Variants in MSRB2 observed in about 807,000 individuals in gnomAD.
MSRB2 encodes the protein methionine sulfoxide reductase B2, also known as methionine-R-sulfoxide reductase B2, mitochondrial.
MSRB2 carries 17 observed loss-of-function variants against 19.0 expected under a neutral mutation model. The observed-to-expected ratio is 0.89, with a 90% CI of 0.61 to 1.34. MSRB2 has a LOEUF of 1.34. MSRB2 is among the 40% of genes most tolerant of loss of function. The probability of loss-of-function intolerance (pLI) is 0.00; values close to 1 mark genes in which losing one functional copy is unlikely to be tolerated. For synonymous variants in MSRB2, 107 were observed against 99.7 expected, an observed-to-expected ratio of 1.07 and a Z score of -0.44; for missense variants, 208 against 237.6, an observed-to-expected ratio of 0.88 and a Z score of 0.82.
In MSRB2 at chr10:23,109,370, T is replaced by C. The variant is rs188787624; in HGVS notation, c.220-872T>C. On this transcript the variant is annotated intron_variant, in intron 2 of 4. Transcript: ENST00000376510. ...TTCGAGACCAGCCTGGCTAACACGG[T>C]GAAACCCCGTAAAAGTACAAAAATT... 5.3e-5 allele frequency among the ~76,000 whole-genome samples: 8 copies of C among 152,024 alleles called. No individual in the cohort carries two copies. The East Asian group carries it at 1.5e-3, about 29-fold the overall frequency.
At position 23,121,248 on chromosome 10, in the gene MSRB2, C is replaced by T. The variant is rs1328395085; in HGVS notation, c.*386C>T. The T allele has an allele frequency of 3.5e-5, 6 of 172,808 alleles. No homozygotes were observed. Among genetic ancestry groups the T allele is most frequent in the South Asian group, 1.5e-4 (1 of 6,890 alleles). 10.7% of individuals were successfully genotyped at this position (172,808 alleles called of 1,614,324 possible). A position where few individuals can be genotyped will look rare whatever the true frequency, so the allele number is the denominator to read the frequency against. On this transcript the variant is annotated 3_prime_UTR_variant, in exon 5 of 5. Coordinates refer to ENST00000376510, the MANE Select transcript of MSRB2 (RefSeq NM_012228.4). ...AGCATTTGCTCGGATTCTGGGGAGA[C>T]CTGAGGGAGCTTTTACTCATGGCAG...
chr10:23,100,607 T>C (rs949998973), intron 1 of MSRB2, among the ~76,000 whole-genome samples: 1 of 152,092 alleles, frequency 6.6e-6, no homozygotes, highest in South Asian at 2.1e-4. Context: ...ACATCTTACA[T>C]GGTCAGAGCA....
intron 4 of MSRB2, 40 bp downstream of exon 4, chr10:23,119,491 C>T: frequency 6.3e-7 from 1 of 1,597,720 alleles, no homozygotes; most frequent in Non-Finnish European, 8.5e-7. Context: ...CTGATGCTGC[C>T]CCCAATGCCA....
intron 1 of MSRB2, among the ~76,000 whole-genome samples, chr10:23,098,675 G>A (rs1251012074): frequency 6.6e-6 from 1 of 152,202 alleles, no homozygotes; most frequent in African/African-American, 2.4e-5. Flanking sequence ...ACGGTAGCCA[G>A]AAGACTTGAC....
rs1376017012 is a variant in MSRB2, at chr10:23,121,133, GA to G, written c.*280del. 101 of 378,460 alleles carry G rather than the reference GA, an allele frequency of 2.7e-4. No individual in the cohort carries two copies. Among genetic ancestry groups the G allele is most frequent in the South Asian group, 5.4e-4 (9 of 16,816 alleles). The allele number at this position is 378,460 out of a possible 1,614,324, so 23.4% of individuals were successfully genotyped here. A position where few individuals can be genotyped will look rare whatever the true frequency, so the allele number is the denominator to read the frequency against. ...CTAGAAAAATAAACAAAATTAAAAA[GA>G]AAAAAAAATACCTGAGACTGAGTAA... On this transcript the variant is annotated 3_prime_UTR_variant, in exon 5 of 5. Coordinates refer to ENST00000376510, the MANE Select transcript of MSRB2 (RefSeq NM_012228.4).
chr10:23,118,330 GTTTTTTGTTTTTTT>G (rs892325067), intron 3 of MSRB2, among the ~76,000 whole-genome samples: 3 of 86,644 alleles, frequency 3.5e-5, no homozygotes, highest in African/African-American at 1.4e-4. Flanking sequence ...TCTTAGATTA[GTTTTTTGTTTTTTT>G]TTTTTTTTTT....
At chr10:23,104,761 C>A (rs1839965881) in intron 2 of MSRB2, among the ~76,000 whole-genome samples, 1 of 152,148 alleles carries the variant, frequency 6.6e-6, no homozygotes, top group Admixed American at 6.5e-5. Context: ...GTACTTTGGC[C>A]ACACCACCCT....
rs146237444 is a variant in MSRB2 at position 23,110,376 on chromosome 10, T to C, written c.296+58T>C. The C allele has an allele frequency of 3.8e-4, 510 of 1,345,458 alleles. 2 individuals are homozygous for C. In the African/African-American group the frequency reaches 6.6e-3, roughly 17 times the overall value. The allele number at this position is 1,345,458 out of a possible 1,614,324, so 83.3% of individuals were successfully genotyped here. Reference sequence around the variant, plus strand: ...ACCAAACCTCCAGGTTCTTACTGCTTTGTTTCATTTGAGATCTTGGATAAA... The same window carrying C: ...ACCAAACCTCCAGGTTCTTACTGCTCTGTTTCATTTGAGATCTTGGATAAA... On this transcript the variant is annotated intron_variant, in intron 3 of 4. Coordinates refer to ENST00000376510, the MANE Select transcript of MSRB2 (RefSeq NM_012228.4).
chr10:23,108,753 G>A (rs1840011545), intron 2 of MSRB2, among the ~76,000 whole-genome samples: 1 of 152,246 alleles, frequency 6.6e-6, no homozygotes, highest in South Asian at 2.1e-4. Flanking sequence ...TGGGATTACA[G>A]GCATGAGCCA....
At chr10:23,104,977 A>G (rs1366092893) in intron 2 of MSRB2, among the ~76,000 whole-genome samples, 4 of 152,018 alleles carry the variant, frequency 2.6e-5, no homozygotes, top group Non-Finnish European at 5.9e-5. Flanking sequence ...CCTTCATAGC[A>G]TTTGCCATCA....
chr10:23,119,908 G>T (rs544649424), intron 4 of MSRB2, among the ~76,000 whole-genome samples: 1 of 152,278 alleles, frequency 6.6e-6, no homozygotes. Context: ...AACACATGGG[G>T]TTTCTACACA....
At chr10:23,119,104 A>C in intron 3 of MSRB2, 200 bp from the exon 4 acceptor site, 1 of 694,136 alleles carries the variant, frequency 1.4e-6, no homozygotes, top group Non-Finnish European at 2.6e-6. Context: ...AAGTCCTTCC[A>C]CTTCGAGAGG....
intron 2 of MSRB2, among the ~76,000 whole-genome samples, chr10:23,107,255 A>C (rs1325192165): frequency 6.6e-6 from 1 of 152,198 alleles, no homozygotes. Flanking sequence ...AGTTTCCAGT[A>C]GCTTCAAATT....
In MSRB2 at chr10:23,095,633, CG is replaced by C; in HGVS notation, c.29del (p.Gly10AlafsTer2). The C allele has an allele frequency of 1.4e-6, 2 of 1,462,804 alleles. No individual in the cohort carries two copies. Among genetic ancestry groups the C allele is most frequent in the Non-Finnish European group, 1.8e-6 (2 of 1,113,394 alleles). 90.6% of individuals were successfully genotyped at this position (1,462,804 alleles called of 1,614,324 possible). Reference sequence around the variant, plus strand: ...CATGGCGCGGCTCCTCTGGTTGCTCCGGGGCCTGACCCTCGGAACTGCGCCT... The same window carrying C: ...CATGGCGCGGCTCCTCTGGTTGCTCCGGGCCTGACCCTCGGAACTGCGCCT... MARLLWLL[R>X]GLTLGTAPRR... On this transcript the variant is annotated frameshift_variant, in exon 1 of 5. Coordinates refer to ENST00000376510, the MANE Select transcript of MSRB2 (RefSeq NM_012228.4). LOFTEE classifies it high-confidence loss of function.
At chr10:23,105,880 C>T (rs7909957) in intron 2 of MSRB2, among the ~76,000 whole-genome samples, 10,201 of 152,278 alleles carry the variant, frequency 0.067, 921 homozygotes, top group African/African-American at 0.2. Flanking sequence ...TTTTTGAAAA[C>T]TTCCTGTAGG....
At chr10:23,100,218 G>T (rs1839912843) in intron 1 of MSRB2, among the ~76,000 whole-genome samples, 1 of 152,232 alleles carries the variant, frequency 6.6e-6, no homozygotes, top group Non-Finnish European at 1.5e-5. Flanking sequence ...GATAGCCAGA[G>T]ATTAGGTCTC....
intron 3 of MSRB2, among the ~76,000 whole-genome samples, chr10:23,111,838 TAAATTTAATTTTAATTAATTTAA>T (rs1840058379): frequency 7.5e-6 from 1 of 133,706 alleles, no homozygotes; most frequent in Admixed American, 7.4e-5. Context: ...AATTTAAACT[TAAATTTAATTTTAATTAATTTAA>T]ACTTAAATTT....
chr10:23,114,429 TA>T (rs1369598884), intron 3 of MSRB2, among the ~76,000 whole-genome samples: 12 of 151,986 alleles, frequency 7.9e-5, no homozygotes, highest in Admixed American at 2.6e-4. Flanking sequence ...CTTGAGCACT[TA>T]CATGCCAGAC....
chr10:23,120,767 C>T lies in MSRB2; in HGVS notation c.454C>T (p.His152Tyr). ...CTTCTGTCCTTTGCAGTGTGAAGCT[C>T]ATCTAGGTCACGTGTTTCCTGATGG... is the stretch of plus-strand genomic sequence containing the variant. ...TEVVCKQCEA[H>Y]LGHVFPDGPG... The change falls in exon 5 of 5, where the codon CAT (histidine) becomes TAT (tyrosine). Residue 152 changes from histidine (H) to tyrosine (Y), a missense_variant. By Grantham distance (83) the His-to-Tyr change is moderately conservative. Coordinates refer to ENST00000376510, the MANE Select transcript of MSRB2 (RefSeq NM_012228.4). The T allele has an allele frequency of 6.2e-7, 1 of 1,613,774 alleles. No individual in the cohort carries two copies. The highest frequency in any genetic ancestry group is 8.5e-7 in the Non-Finnish European group (1 of 1,179,764).
Sources: gnomAD v4.1 joint callset for allele counts (sites outside exome capture counted in the v4.1 genomes callset) on GRCh38, gnomAD v4.1.1 for gene constraint, MANE v1.5 for transcripts, NCBI Gene and HGNC (gene_info 2026-07-23, HGNC 2026-07-21) for gene names.